Variants in UBE2R2 observed in about 807,000 individuals in gnomAD.
The protein encoded by UBE2R2 is ubiquitin conjugating enzyme E2 R2.
In UBE2R2, 1 loss-of-function variant was observed where a neutral mutation model predicts 27.8. The ratio of observed to expected loss-of-function variants is 0.04; its 90% CI spans 0.01 to 0.17. UBE2R2 has a LOEUF of 0.17. Ranked by LOEUF, UBE2R2 falls within the 10% of genes least tolerant of loss-of-function variation. UBE2R2 has a pLI of 1.00. For synonymous variants in UBE2R2, 106 were observed against 113.3 expected (o/e 0.94, Z 0.41); for missense variants, 100 against 291.0 (o/e 0.34, Z 4.78).
upstream of UBE2R2, among the ~76,000 whole-genome samples, chr9:33,815,190 C>CT (rs1464653393): frequency 6.6e-6 from 1 of 152,140 alleles, no homozygotes; most frequent in East Asian, 1.9e-4. Flanking sequence ...AGAACAAAGT[C>CT]TAAGAAACTG....
chr9:33,852,341 TCTAGCTGG>T (rs1227927662), intron 1 of UBE2R2, among the ~76,000 whole-genome samples: 1 of 152,148 alleles, frequency 6.6e-6, no homozygotes, highest in Non-Finnish European at 1.5e-5. Flanking sequence ...TAGTGTTATT[TCTAGCTGG>T]CCCGGAGTTA....
intron 4 of UBE2R2, among the ~76,000 whole-genome samples, chr9:33,914,978 A>C (rs1471178040): frequency 2.0e-5 from 3 of 152,016 alleles, no homozygotes; most frequent in Non-Finnish European, 4.4e-5. Context: ...CTCTACAAAA[A>C]AATTAGCCAG....
intron 1 of UBE2R2, among the ~76,000 whole-genome samples, chr9:33,831,844 A>G (rs1820490886): frequency 6.6e-6 from 1 of 151,682 alleles, no homozygotes; most frequent in African/African-American, 2.4e-5. Flanking sequence ...TATTTTTAGT[A>G]GAGATGGGGT....
In UBE2R2 at chr9:33,871,076, G is replaced by A. The variant is rs1821475545; in HGVS notation, c.178-15805G>A. Among the ~76,000 whole-genome samples, 8 of 152,260 alleles carry A rather than the reference G, an allele frequency of 5.3e-5. No individual in the cohort carries two copies. In the South Asian group the frequency reaches 1.5e-3, roughly 28 times the overall value. ...TTGGCCTCAATACTTGGCTCAAGTA[G>A]TACCCCTTTGTAAATTTTACCTGAA... On this transcript the variant is annotated intron_variant, in intron 1 of 4. Coordinates refer to ENST00000263228, the MANE Select transcript of UBE2R2 (RefSeq NM_017811.4).
At chr9:33,908,237 C>G (rs1052053582) in intron 3 of UBE2R2, among the ~76,000 whole-genome samples, 4 of 152,218 alleles carry the variant, frequency 2.6e-5, no homozygotes, top group African/African-American at 4.8e-5. Flanking sequence ...CCAATGCTGT[C>G]AGCTTTCCTT....
intron 1 of UBE2R2, among the ~76,000 whole-genome samples, chr9:33,856,492 A>G (rs1294200741): frequency 2.6e-5 from 4 of 151,982 alleles, no homozygotes; most frequent in African/African-American, 7.2e-5. Flanking sequence ...AGCATTTTCT[A>G]TTGATTTACT....
chr9:33,829,887 C>T (rs560089910), intron 1 of UBE2R2, among the ~76,000 whole-genome samples: 1 of 151,054 alleles, frequency 6.6e-6, no homozygotes, highest in East Asian at 2.0e-4. Context: ...CCTCCGCCTC[C>T]TGGGTTTTCA....
chr9:33,883,755 T>C (rs868736828), intron 1 of UBE2R2, among the ~76,000 whole-genome samples: 1 of 148,966 alleles, frequency 6.7e-6, no homozygotes, highest in South Asian at 2.1e-4. Flanking sequence ...ATAAGGTCAA[T>C]AAATTGACCT....
intron 1 of UBE2R2, among the ~76,000 whole-genome samples, chr9:33,846,480 G>A (rs1033384682): frequency 5.9e-5 from 9 of 152,026 alleles, no homozygotes; most frequent in Non-Finnish European, 1.0e-4. Flanking sequence ...GCGCCTAAAA[G>A]TATGACATTT....
intron 1 of UBE2R2, among the ~76,000 whole-genome samples, chr9:33,869,476 C>T (rs1028584956): frequency 2.0e-5 from 3 of 148,328 alleles, no homozygotes; most frequent in East Asian, 1.9e-4. Context: ...GACAGAGTTT[C>T]GCTCTTGTTG....
chr9:33,882,063 A>G (rs1480419842), intron 1 of UBE2R2, among the ~76,000 whole-genome samples: 2 of 152,174 alleles, frequency 1.3e-5, no homozygotes, highest in Non-Finnish European at 2.9e-5. Flanking sequence ...ACAGTATTAC[A>G]TTATGTATTT....
At chr9:33,909,474 GAAACCCCATCTCAAC>G (rs1822439371) in intron 3 of UBE2R2, among the ~76,000 whole-genome samples, 1 of 152,152 alleles carries the variant, frequency 6.6e-6, no homozygotes, top group Non-Finnish European at 1.5e-5. Flanking sequence ...GGCGACGAGT[GAAACCCCATCTCAAC>G]AATCAATAAA....
At chr9:33,848,276 GCTCCAATAT>G (rs1820889138) in intron 1 of UBE2R2, among the ~76,000 whole-genome samples, 1 of 151,956 alleles carries the variant, frequency 6.6e-6, no homozygotes, top group South Asian at 2.1e-4. Flanking sequence ...ACGTTTGCCA[GCTCCAATAT>G]CTGAATCATC....
chr9:33,839,228 T>C (rs1820679225), intron 1 of UBE2R2, among the ~76,000 whole-genome samples: 1 of 152,060 alleles, frequency 6.6e-6, no homozygotes, highest in African/African-American at 2.4e-5. Flanking sequence ...TGAATGAAAT[T>C]AGTGTTTGTG....
At chr9:33,901,748 ATTTAGAAAGAGT>A (rs1455529128) in intron 3 of UBE2R2, among the ~76,000 whole-genome samples, 1 of 152,128 alleles carries the variant, frequency 6.6e-6, no homozygotes, top group Non-Finnish European at 1.5e-5. Flanking sequence ...CATCCAATTT[ATTTAGAAAGAGT>A]TGAGAAAATA....
At chr9:33,815,657 T>C (rs1825737903), upstream of UBE2R2, among the ~76,000 whole-genome samples, 1 of 152,150 alleles carries the variant, frequency 6.6e-6, no homozygotes, top group African/African-American at 2.4e-5. Flanking sequence ...GGTTAGAGGA[T>C]GGCTTAAGCC....
At chr9:33,831,419 TTTTG>T (rs1373261295) in intron 1 of UBE2R2, among the ~76,000 whole-genome samples, 2 of 152,082 alleles carry the variant, frequency 1.3e-5, no homozygotes, top group Non-Finnish European at 2.9e-5. Flanking sequence ...ACTTAATACT[TTTTG>T]TTTGTTTGTT....
At chr9:33,912,991 T>TA (rs1291273275) in intron 4 of UBE2R2, among the ~76,000 whole-genome samples, 3 of 152,084 alleles carry the variant, frequency 2.0e-5, no homozygotes, top group African/African-American at 4.8e-5. Flanking sequence ...GATGGAGTCT[T>TA]ACTCTGTCAT....
At chr9:33,819,513 C>A (rs1359542830) in intron 1 of UBE2R2, among the ~76,000 whole-genome samples, 1 of 152,178 alleles carries the variant, frequency 6.6e-6, no homozygotes, top group East Asian at 1.9e-4. Context: ...AGAAAACATG[C>A]AACTTATTAG....
Sources: gnomAD v4.1 joint callset for allele counts (sites outside exome capture counted in the v4.1 genomes callset) on GRCh38, gnomAD v4.1.1 for gene constraint, MANE v1.5 for transcripts, NCBI Gene and HGNC (gene_info 2026-07-23, HGNC 2026-07-21) for gene names.